Variants in FBXW7 observed in about 807,000 individuals in gnomAD.
FBXW7 encodes F-box/WD repeat-containing protein 7.
In FBXW7, 11 loss-of-function variants were observed where a neutral mutation model predicts 86.3. The observed-to-expected ratio is 0.13, with a 90% confidence interval of 0.08 to 0.21. The LOEUF is 0.21. Ranked by LOEUF, FBXW7 falls within the 10% of genes least tolerant of loss-of-function variation. The probability of loss-of-function intolerance (pLI) is 1.00; values close to 1 mark genes in which losing one functional copy is unlikely to be tolerated. For missense variants in FBXW7, 488 were observed against 847.4 expected, an observed-to-expected ratio of 0.58 and a Z score of 5.27; for synonymous variants, 313 against 297.9, an observed-to-expected ratio of 1.05 and a Z score of -0.52.
At chr4:152,403,006 G>A (rs1442062794) in intron 4 of FBXW7, among the ~76,000 whole-genome samples, 1 of 152,182 alleles carries the variant, frequency 6.6e-6, no homozygotes, top group Non-Finnish European at 1.5e-5. Flanking sequence ...GTTTGGCCTT[G>A]GTGATCTCAA....
intron 5 of FBXW7, among the ~76,000 whole-genome samples, chr4:152,347,478 T>C (rs995364116): frequency 6.6e-6 from 1 of 152,172 alleles, no homozygotes; most frequent in Non-Finnish European, 1.5e-5. Context: ...TGATACTTTA[T>C]TAAAGCTTTA....
At chr4:152,356,711 G>A (rs1004740289) in intron 4 of FBXW7, among the ~76,000 whole-genome samples, 3 of 152,154 alleles carry the variant, frequency 2.0e-5, no homozygotes, top group African/African-American at 7.2e-5. Flanking sequence ...TCTGGGATGT[G>A]AGTGCTTATT....
chr4:152,458,867 C>G (rs1425359059), intron 2 of FBXW7, among the ~76,000 whole-genome samples: 1 of 152,120 alleles, frequency 6.6e-6, no homozygotes, highest in Non-Finnish European at 1.5e-5. Context: ...GCTTGCTATG[C>G]CACTTCTATG....
rs1286210329 is a variant in FBXW7, at chr4:152,470,660, C to CCG, written c.-119-58132_-119-58131insCG. Among the ~76,000 whole-genome samples, 10 of 152,178 alleles carry CCG rather than the reference C, an allele frequency of 6.6e-5. No homozygotes were observed. The South Asian group carries it at 1.5e-3, about 22-fold the overall frequency. ...ATAATTTTATAATAAACTTATAGTACAAATCCTTTGCATCAAGTCGAGTCC... is the reference window on the plus strand; with the variant it reads ...ATAATTTTATAATAAACTTATAGTACCGAAATCCTTTGCATCAAGTCGAGTCC... On this transcript the variant is annotated intron_variant, in intron 2 of 13. Transcript: ENST00000281708.
Position 152,403,969 on chromosome 4 carries a change from A to C in FBXW7, c.501+7334T>G, listed in dbSNP as rs527998472. 2.0e-5 allele frequency among the ~76,000 whole-genome samples: 3 copies of C among 152,360 alleles called. No homozygotes were observed. In the East Asian group the frequency reaches 5.8e-4, roughly 29 times the overall value. On this transcript the variant is annotated intron_variant, in intron 4 of 13. Coordinates refer to ENST00000281708, the MANE Select transcript of FBXW7 (RefSeq NM_001349798.2). ...TCAAAGAAAACAATAAATATCTTCA[A>C]AACAAGAACGGATACTACTATGCTA...
At chr4:152,504,706 T>C (rs1373526686) in intron 2 of FBXW7, among the ~76,000 whole-genome samples, 3 of 152,212 alleles carry the variant, frequency 2.0e-5, no homozygotes, top group African/African-American at 7.2e-5. Context: ...ATAAACTTTA[T>C]GAAATCTAAA....
At chr4:152,469,006 T>A (rs184531939) in intron 2 of FBXW7, among the ~76,000 whole-genome samples, 1 of 151,902 alleles carries the variant, frequency 6.6e-6, no homozygotes, top group Non-Finnish European at 1.5e-5. Context: ...AACAGAACAG[T>A]ATAACTGTTG....
intron 2 of FBXW7, among the ~76,000 whole-genome samples, chr4:152,470,717 CTAAA>C (rs1287853316): frequency 6.6e-6 from 1 of 152,046 alleles, no homozygotes; most frequent in Non-Finnish European, 1.5e-5. Context: ...ATAAAAAGCA[CTAAA>C]TAATATTTAT....
intron 4 of FBXW7, among the ~76,000 whole-genome samples, chr4:152,408,086 A>G (rs1560859652): frequency 6.6e-6 from 1 of 152,212 alleles, no homozygotes; most frequent in Non-Finnish European, 1.5e-5. Flanking sequence ...TCTAACAATC[A>G]AGATGGGAAA....
chr4:152,425,852 C>T (rs1292853562), intron 2 of FBXW7, among the ~76,000 whole-genome samples: 3 of 152,106 alleles, frequency 2.0e-5, no homozygotes, highest in East Asian at 1.9e-4. Context: ...CCACATAAAG[C>T]GGGGAGCTCT....
At chr4:152,337,741 G>A (rs2126581632) in intron 7 of FBXW7, 61 bp downstream of exon 7, 1 of 1,497,510 alleles carries the variant, frequency 6.7e-7, no homozygotes, top group Non-Finnish European at 9.1e-7. Flanking sequence ...TTTAAAGGTG[G>A]TAGCTGTTGA....
intron 2 of FBXW7, among the ~76,000 whole-genome samples, chr4:152,471,742 A>G (rs1333515175): frequency 6.6e-6 from 1 of 151,862 alleles, no homozygotes; most frequent in African/African-American, 2.4e-5. Flanking sequence ...CTACAAAAAA[A>G]TTTAAAAATT....
intron 2 of FBXW7, among the ~76,000 whole-genome samples, chr4:152,434,442 T>C (rs905098318): frequency 6.6e-6 from 1 of 152,240 alleles, no homozygotes; most frequent in Admixed American, 6.5e-5. Flanking sequence ...CTACTTCTTA[T>C]AATGTATATA....
chr4:152,400,245 AAT>A (rs1019315962), intron 4 of FBXW7, among the ~76,000 whole-genome samples: 2 of 152,256 alleles, frequency 1.3e-5, no homozygotes, highest in African/African-American at 4.8e-5. Flanking sequence ...CAAATAAATG[AAT>A]CTAAACAAAG....
At chr4:152,324,107 T>C (rs1203214434) in intron 13 of FBXW7, 77 bp downstream of exon 13, 1 of 1,152,142 alleles carries the variant, frequency 8.7e-7, no homozygotes, top group African/African-American at 1.5e-5. Context: ...ACTCTTTTTG[T>C]GATGCTAAGG....
rs1728659774 is a variant in FBXW7, at chr4:152,322,801, TTTTC to T, written c.*76_*79del. 8 of 1,558,654 alleles carry T rather than the reference TTTTC, an allele frequency of 5.1e-6. No homozygotes were observed. Among genetic ancestry groups the T allele is most frequent in the South Asian group, 1.2e-5 (1 of 80,026 alleles). On this transcript the variant is annotated 3_prime_UTR_variant, in exon 14 of 14. Coordinates refer to ENST00000281708, the MANE Select transcript of FBXW7 (RefSeq NM_001349798.2). ...AGAACAAGGGATTTTTTTCTTTTTC[TTTTC>T]TTTTTTTCTTTTTGCAGGGGGAAGG... is the stretch of plus-strand genomic sequence containing the variant.
chr4:152,406,501 AAAT>A (rs1237512198), intron 4 of FBXW7, among the ~76,000 whole-genome samples: 2 of 152,214 alleles, frequency 1.3e-5, no homozygotes, highest in East Asian at 3.8e-4. Context: ...TTATTGTTTA[AAAT>A]AATATTAACA....
chr4:152,509,633 T>A (rs1427764501), intron 2 of FBXW7, among the ~76,000 whole-genome samples: 1 of 152,230 alleles, frequency 6.6e-6, no homozygotes, highest in African/African-American at 2.4e-5. Context: ...TGAATAATCT[T>A]ATATAATTCC....
chr4:152,353,660 A>G (rs1322962119), intron 4 of FBXW7, among the ~76,000 whole-genome samples: 1 of 152,184 alleles, frequency 6.6e-6, no homozygotes, highest in African/African-American at 2.4e-5. Flanking sequence ...TTCTATCTCC[A>G]AAATTATTTT....
Sources: allele counts gnomAD v4.1 joint callset (sites outside exome capture counted in the v4.1 genomes callset), GRCh38; gene constraint gnomAD v4.1.1; transcripts MANE v1.5; gene names NCBI Gene and HGNC (gene_info 2026-07-23, HGNC 2026-07-21).